The following GPC6 variants were observed in gnomAD, a reference collection of about 807,000 sequenced individuals.
GPC6 encodes glypican-6.
GPC6 carries 14 observed loss-of-function variants against 55.2 expected under a neutral mutation model. The observed-to-expected ratio is 0.25, with a 90% CI of 0.17 to 0.40. The LOEUF (loss-of-function observed/expected upper bound fraction) is 0.40, where lower values mean the gene tolerates loss of function less well. Ranked by LOEUF, GPC6 falls within the 10% of genes least tolerant of loss-of-function variation. GPC6 has a pLI of 1.00. For missense variants in GPC6, 641 were observed against 708.5 expected (o/e 0.90, Z 1.08); for synonymous variants, 278 against 259.6 (o/e 1.07, Z -0.68).
intron 3 of GPC6, among the ~76,000 whole-genome samples, chr13:93,925,749 C>T (rs1877825830): frequency 6.6e-6 from 1 of 152,162 alleles, no homozygotes; most frequent in South Asian, 2.1e-4. Flanking sequence ...ATGTCTGAGG[C>T]CTCAGCCAGG....
intron 3 of GPC6, among the ~76,000 whole-genome samples, chr13:93,995,478 G>A (rs188058596): frequency 6.6e-5 from 10 of 152,188 alleles, no homozygotes; most frequent in Admixed American, 4.6e-4. Context: ...AAGAGCCACC[G>A]CACCCAACCA....
chr13:94,058,954 ATGT>A (rs1884228077), intron 4 of GPC6, among the ~76,000 whole-genome samples: 2 of 152,048 alleles, frequency 1.3e-5, no homozygotes, highest in Non-Finnish European at 2.9e-5. Flanking sequence ...TCCAAAGTTT[ATGT>A]TCTAAGTGTT....
At chr13:93,626,151 G>A (rs1304161326) in intron 2 of GPC6, among the ~76,000 whole-genome samples, 2 of 152,106 alleles carry the variant, frequency 1.3e-5, no homozygotes, top group Non-Finnish European at 2.9e-5. Context: ...CATCCTGTAA[G>A]GAAACACAAA....
intron 5 of GPC6, among the ~76,000 whole-genome samples, chr13:94,288,516 G>T (rs115328418): frequency 6.6e-6 from 1 of 151,112 alleles, no homozygotes; most frequent in Non-Finnish European, 1.5e-5. Flanking sequence ...GCATTATCTG[G>T]CCCCTGCCTA....
At chr13:93,267,393 G>GTTT (rs201195056) in intron 1 of GPC6, among the ~76,000 whole-genome samples, 1 of 147,408 alleles carries the variant, frequency 6.8e-6, no homozygotes, top group African/African-American at 2.5e-5. Flanking sequence ...ACAGGAGAGG[G>GTTT]TTTTTTTTTT....
intron 1 of GPC6, among the ~76,000 whole-genome samples, chr13:93,507,163 A>G (rs926815559): frequency 3.3e-5 from 5 of 151,942 alleles, no homozygotes; most frequent in Non-Finnish European, 7.4e-5. Context: ...CCTGTGAAAG[A>G]TAAACAGGAA....
chr13:94,006,021 C>A (rs1462455778), intron 3 of GPC6, among the ~76,000 whole-genome samples: 2 of 152,112 alleles, frequency 1.3e-5, no homozygotes, highest in South Asian at 2.1e-4. Context: ...ATATTAACCA[C>A]CCACTTGTTT....
chr13:93,541,023 C>T (rs1201562708), intron 1 of GPC6, among the ~76,000 whole-genome samples: 1 of 150,168 alleles, frequency 6.7e-6, no homozygotes, highest in African/African-American at 2.5e-5. Flanking sequence ...GGGATATCAT[C>T]CTTTTTTTTT....
At chr13:94,171,844 A>G (rs2138930709) in intron 4 of GPC6, among the ~76,000 whole-genome samples, 1 of 152,292 alleles carries the variant, frequency 6.6e-6, no homozygotes. Flanking sequence ...GAAGGAAGGA[A>G]TCCCCTCTGT....
At chr13:94,343,738 CT>C (rs927357684) in intron 6 of GPC6, among the ~76,000 whole-genome samples, 5 of 151,488 alleles carry the variant, frequency 3.3e-5, no homozygotes, top group African/African-American at 9.7e-5. Flanking sequence ...TTGTTGTTAA[CT>C]TTTTTTTTGA....
At chr13:93,350,305 G>T (rs1428482233) in intron 1 of GPC6, among the ~76,000 whole-genome samples, 1 of 151,954 alleles carries the variant, frequency 6.6e-6, no homozygotes, top group African/African-American at 2.4e-5. Context: ...TGTGGTGGCG[G>T]GTGCTTTAGT....
At chr13:93,857,083 A>AT (rs1028042113) in intron 3 of GPC6, among the ~76,000 whole-genome samples, 21 of 151,762 alleles carry the variant, frequency 1.4e-4, no homozygotes, top group African/African-American at 5.1e-4. Flanking sequence ...GATGCAATGC[A>AT]TTTTGTCACT....
chr13:94,088,688 G>C (rs1438255911), intron 4 of GPC6, among the ~76,000 whole-genome samples: 1 of 152,102 alleles, frequency 6.6e-6, no homozygotes, highest in African/African-American at 2.4e-5. Flanking sequence ...AGGCCTGATT[G>C]AATCAGGATT....
At chr13:94,215,377 T>A (rs973919570) in intron 4 of GPC6, among the ~76,000 whole-genome samples, 2 of 152,198 alleles carry the variant, frequency 1.3e-5, no homozygotes, top group Non-Finnish European at 2.9e-5. Context: ...CCAATTCATA[T>A]AACTGTGAGC....
At chr13:94,283,583 G>A (rs926289977) in intron 4 of GPC6, among the ~76,000 whole-genome samples, 1 of 152,254 alleles carries the variant, frequency 6.6e-6, no homozygotes, top group Middle Eastern at 3.2e-3. Context: ...TACTAACACA[G>A]AGTCAGTGTC....
intron 2 of GPC6, among the ~76,000 whole-genome samples, chr13:93,669,015 A>G (rs1305569068): frequency 6.6e-6 from 1 of 152,202 alleles, no homozygotes; most frequent in Non-Finnish European, 1.5e-5. Flanking sequence ...CATTGTGAGC[A>G]GTTTTTCTCA....
intron 2 of GPC6, among the ~76,000 whole-genome samples, chr13:93,769,330 A>G (rs1885218329): frequency 6.6e-6 from 1 of 152,066 alleles, no homozygotes; most frequent in Non-Finnish European, 1.5e-5. Context: ...CAAAATGTGC[A>G]ATGCTTTCTG....
intron 4 of GPC6, among the ~76,000 whole-genome samples, chr13:94,033,059 C>A (rs1883200708): frequency 1.3e-5 from 2 of 152,032 alleles, no homozygotes; most frequent in Non-Finnish European, 2.9e-5. Flanking sequence ...AGAACAGTAC[C>A]CAGTATATGT....
At position 93,917,870 on chromosome 13, in the gene GPC6, G is replaced by A. The variant is rs145584898; in HGVS notation, c.711+87325G>A. ...TCCCAGCACTTTGGGAGGCTGAGGT[G>A]GGCGGATCACAAGCTCAGGAGTTCG... On this transcript the variant is annotated intron_variant, in intron 3 of 8. Transcript: ENST00000377047. Among the ~76,000 whole-genome samples, 5 of 152,256 alleles carry A rather than the reference G, an allele frequency of 3.3e-5. No individual in the cohort carries two copies. In the East Asian group the frequency reaches 9.6e-4, roughly 29 times the overall value.
Sources: allele counts gnomAD v4.1 joint callset (sites outside exome capture counted in the v4.1 genomes callset), GRCh38; gene constraint gnomAD v4.1.1; transcripts MANE v1.5; gene names NCBI Gene and HGNC (gene_info 2026-07-23, HGNC 2026-07-21).